Variants in CHID1 observed in about 807,000 individuals in gnomAD.
The protein encoded by CHID1 is chitinase domain-containing protein 1.
A neutral mutation model predicts 55.4 loss-of-function variants in CHID1; 44 were observed. The observed-to-expected ratio is 0.79, with a 90% CI of 0.62 to 1.02. The LOEUF (loss-of-function observed/expected upper bound fraction) is 1.02. CHID1 is among the 50% of genes least tolerant of loss of function. The pLI is 0.00. For missense variants in CHID1, 491 were observed against 515.3 expected, an observed-to-expected ratio of 0.95 and a Z score of 0.46; for synonymous variants, 216 against 212.9, an observed-to-expected ratio of 1.01 and a Z score of -0.13.
intron 10 of CHID1, 158 bp downstream of exon 10, chr11:882,990 A>C (rs1589839176): frequency 1.3e-6 from 1 of 771,206 alleles, no homozygotes; most frequent in East Asian, 2.5e-5. Context: ...TGGGGTGGGC[A>C]CCAAGCAGGA....
At chr11:893,573 G>C (rs765761025) in intron 7 of CHID1, 54 bp from the exon 8 acceptor site, 112 of 1,400,192 alleles carry the variant, frequency 8.0e-5, no homozygotes, top group Non-Finnish European at 1.0e-4. Context: ...GCCTCTCCCA[G>C]GGTTCTGTGA....
At chr11:898,514 T>C (rs938891975) in intron 7 of CHID1, among the ~76,000 whole-genome samples, 7 of 152,236 alleles carry the variant, frequency 4.6e-5, no homozygotes, top group African/African-American at 1.7e-4. Flanking sequence ...GTCCTGAGCA[T>C]GTCGAGGACG....
chr11:890,142 G>A (rs1186430540), intron 8 of CHID1, among the ~76,000 whole-genome samples: 1 of 152,228 alleles, frequency 6.6e-6, no homozygotes, highest in African/African-American at 2.4e-5. Flanking sequence ...CTCCCTGACT[G>A]GCCGGTTAGC....
chr11:911,722 C>CTT (rs1852702985), upstream of CHID1, among the ~76,000 whole-genome samples: 9 of 152,334 alleles, frequency 5.9e-5, no homozygotes, highest in South Asian at 1.5e-3. Flanking sequence ...ACGCCCACGC[C>CTT]TTTCCTAGAA....
intron 4 of CHID1, 66 bp downstream of exon 4, chr11:902,132 C>G (rs1278184322): frequency 6.3e-7 from 1 of 1,595,462 alleles, no homozygotes; most frequent in East Asian, 2.2e-5. Context: ...ACACACACCC[C>G]TGCTCTCGCA....
intron 4 of CHID1, among the ~76,000 whole-genome samples, chr11:901,643 G>A (rs1589891209): frequency 6.6e-6 from 1 of 152,194 alleles, no homozygotes; most frequent in East Asian, 1.9e-4. Flanking sequence ...CCCAGAGGCT[G>A]CCTGAGTCAT....
At chr11:902,131 C>A in intron 4 of CHID1, 67 bp downstream of exon 4, 1 of 1,591,896 alleles carries the variant, frequency 6.3e-7, no homozygotes, top group African/African-American at 1.3e-5. Flanking sequence ...CACACACACC[C>A]CTGCTCTCGC....
intron 11 of CHID1, 60 bp downstream of exon 11, chr11:870,359 C>G: frequency 6.9e-7 from 1 of 1,440,946 alleles, no homozygotes; most frequent in Admixed American, 1.8e-5. Flanking sequence ...CTCATCTCCA[C>G]CCCCAGGGCC....
At chr11:900,809 G>A (rs11246340) in intron 5 of CHID1, 127 bp downstream of exon 5, 106,487 of 736,358 alleles carry the variant, frequency 0.14, 9,155 homozygotes, top group Non-Finnish European at 0.18. Context: ...ATCTCTGAGC[G>A]GTCAAAGTAA....
At chr11:870,291 A>AG (rs1849078223) in intron 11 of CHID1, 128 bp from the exon 12 acceptor site, 19 of 1,387,020 alleles carry the variant, frequency 1.4e-5, no homozygotes, top group Non-Finnish European at 1.8e-5. Flanking sequence ...GCTGTGCTCC[A>AG]GGGCCGGGAG....
intron 10 of CHID1, among the ~76,000 whole-genome samples, chr11:871,341 C>T (rs987665383): frequency 7.2e-5 from 11 of 152,072 alleles, no homozygotes; most frequent in Non-Finnish European, 1.2e-4. Flanking sequence ...CAATGACCAC[C>T]CCATGCCCAG....
chr11:904,946 T>G, intron 1 of CHID1, 87 bp from the exon 2 acceptor site: 4 of 1,422,654 alleles, frequency 2.8e-6, no homozygotes, highest in Non-Finnish European at 3.8e-6. Context: ...CACTTTCTCC[T>G]AATAGGGCCT....
At chr11:877,567 T>C (rs189601140) in intron 10 of CHID1, among the ~76,000 whole-genome samples, 43 of 152,372 alleles carry the variant, frequency 2.8e-4, no homozygotes, top group African/African-American at 9.6e-4. Flanking sequence ...TTGTGTGACC[T>C]GACCCAGGCT....
chr11:912,464 G>C (rs954980409), upstream of CHID1, among the ~76,000 whole-genome samples: 5 of 152,202 alleles, frequency 3.3e-5, no homozygotes, highest in African/African-American at 1.2e-4. Context: ...CGGGTTCCTG[G>C]GGGAGTCTTG....
intron 6 of CHID1, among the ~76,000 whole-genome samples, chr11:899,683 G>T (rs1056221347): frequency 1.3e-5 from 2 of 152,250 alleles, no homozygotes; most frequent in Admixed American, 6.5e-5. Context: ...CTGACCCGAG[G>T]CCCAGGCATA....
At chr11:888,342 T>C (rs536933316) in intron 8 of CHID1, among the ~76,000 whole-genome samples, 1 of 152,328 alleles carries the variant, frequency 6.6e-6, no homozygotes, top group East Asian at 1.9e-4. Context: ...CACCTGGTGC[T>C]GGCCCTGAGG....
intron 10 of CHID1, 48 bp from the exon 11 acceptor site, chr11:870,547 A>T: frequency 7.4e-7 from 1 of 1,351,396 alleles, no homozygotes; most frequent in Non-Finnish European, 1.0e-6. Context: ...GCTCCCCCAC[A>T]GCCCCACCCT....
chr11:880,503 C>A (rs1849836729), intron 10 of CHID1, among the ~76,000 whole-genome samples: 2 of 152,226 alleles, frequency 1.3e-5, no homozygotes, highest in South Asian at 4.1e-4. Flanking sequence ...CCACACACGA[C>A]CCTGGTCTTG....
chr11:896,823 C>T (rs1396659913), intron 7 of CHID1, among the ~76,000 whole-genome samples: 1 of 149,578 alleles, frequency 6.7e-6, no homozygotes, highest in Admixed American at 6.6e-5. Flanking sequence ...GTCTCAGGGC[C>T]CCCAGCCTCC....
Sources: gnomAD v4.1 joint callset for allele counts (sites outside exome capture counted in the v4.1 genomes callset) on GRCh38, gnomAD v4.1.1 for gene constraint, MANE v1.5 for transcripts, NCBI Gene and HGNC (gene_info 2026-07-23, HGNC 2026-07-21) for gene names.